KIF13B: variants seen among roughly 807,000 people sequenced by gnomAD.
The protein encoded by KIF13B is kinesin-like protein KIF13B.
A neutral mutation model predicts 222.0 loss-of-function variants in KIF13B; 127 were observed. That is an observed-to-expected ratio of 0.57 (90% CI 0.50 to 0.66). The LOEUF is 0.66. KIF13B is among the 30% of genes least tolerant of loss of function. The probability of loss-of-function intolerance (pLI) is 0.00; values close to 1 mark genes in which losing one functional copy is unlikely to be tolerated. For synonymous variants in KIF13B, 976 were observed against 919.0 expected (o/e 1.06, Z -1.12); for missense variants, 2,173 against 2,379.0 (o/e 0.91, Z 1.80).
chr8:29,068,494 C>T lies in KIF13B; in HGVS notation c.*2010G>A, dbSNP rs982356274. The T allele has an allele frequency of 3.9e-5, 6 of 152,216 alleles. No homozygotes were observed. The highest frequency in any genetic ancestry group is 1.4e-4 in the African/African-American group (6 of 41,408). 9.4% of individuals were successfully genotyped at this position (152,216 alleles called of 1,614,324 possible). On this transcript the variant is annotated 3_prime_UTR_variant, in exon 40 of 40. Transcript: ENST00000524189. This position sits in a 1 kb window ranked among gnomAD's most constrained non-coding sequence, Gnocchi z 4.4. Reference sequence around the variant, plus strand: ...CCTGCTCAAGTCAGGAACTCTGGCTCGTTCTACTCCACTGTAAGTCAAACC... The same window carrying T: ...CCTGCTCAAGTCAGGAACTCTGGCTTGTTCTACTCCACTGTAAGTCAAACC...
intron 2 of KIF13B, among the ~76,000 whole-genome samples, chr8:29,206,432 T>C (rs997148593): frequency 6.6e-6 from 1 of 152,240 alleles, no homozygotes; most frequent in Admixed American, 6.5e-5. Context: ...TCACTATAAT[T>C]ACTCCCAAAA....
At chr8:29,207,729 A>T (rs1356002988) in intron 2 of KIF13B, among the ~76,000 whole-genome samples, 1 of 152,252 alleles carries the variant, frequency 6.6e-6, no homozygotes, top group Non-Finnish European at 1.5e-5. Flanking sequence ...GAAAAACAGA[A>T]GCCATGCTTT....
chr8:29,184,534 T>A (rs1044298154), intron 6 of KIF13B, among the ~76,000 whole-genome samples: 7 of 152,114 alleles, frequency 4.6e-5, no homozygotes, highest in Non-Finnish European at 1.0e-4. Flanking sequence ...TTAAGAAACT[T>A]GTTCAATAGG....
At chr8:29,131,563 A>T (rs1000153316) in intron 23 of KIF13B, among the ~76,000 whole-genome samples, 10 of 152,218 alleles carry the variant, frequency 6.6e-5, no homozygotes, top group Non-Finnish European at 4.4e-5. Context: ...TGAAAAGCAC[A>T]AACATATGCA....
intron 15 of KIF13B, among the ~76,000 whole-genome samples, chr8:29,149,532 A>T (rs956479983): frequency 6.6e-5 from 10 of 152,242 alleles, no homozygotes; most frequent in Non-Finnish European, 1.2e-4. Context: ...GGTGAGACAC[A>T]GTCTTTCTCA....
Position 29,173,019 on chromosome 8 carries a change from A to G in KIF13B, c.945+3049T>C, listed in dbSNP as rs567841643. On this transcript the variant is annotated intron_variant, in intron 10 of 39. Transcript: ENST00000524189. ...AACCTCCGACTCCCAGGTTCAAGCC[A>G]TTCTCCTGCCTCAATCTCCCGAGTA... Among the ~76,000 whole-genome samples, 652 of 151,530 alleles carry G rather than the reference A, an allele frequency of 4.3e-3. 5 individuals carry two copies. The highest frequency in any genetic ancestry group is 5.6e-3 in the Non-Finnish European group (381 of 67,908).
At chr8:29,109,763 A>C (rs998522822) in intron 33 of KIF13B, among the ~76,000 whole-genome samples, 155 bp downstream of exon 33, 12 of 152,234 alleles carry the variant, frequency 7.9e-5, no homozygotes, top group African/African-American at 2.4e-4. Context: ...TGTAAGACAG[A>C]ATGACCCAAT....
At chr8:29,206,180 T>C (rs1813927060) in intron 2 of KIF13B, among the ~76,000 whole-genome samples, 1 of 152,042 alleles carries the variant, frequency 6.6e-6, no homozygotes. Flanking sequence ...ATCCCAGCAC[T>C]TTCGGAGGCC....
At chr8:29,155,385 TGAG>T (rs530849693) in intron 14 of KIF13B, among the ~76,000 whole-genome samples, 153 of 152,216 alleles carry the variant, frequency 1.0e-3, no homozygotes, top group African/African-American at 3.6e-3. Context: ...TGGCAGGTGC[TGAG>T]GAGGAGGAGA....
intron 37 of KIF13B, among the ~76,000 whole-genome samples, chr8:29,079,563 C>T (rs1807712214): frequency 1.3e-5 from 2 of 152,130 alleles, no homozygotes; most frequent in Non-Finnish European, 2.9e-5. Context: ...CTAAATTGTA[C>T]AGTTACATAG....
At chr8:29,122,740 C>G in intron 28 of KIF13B, 94 bp from the exon 29 acceptor site, 1 of 944,952 alleles carries the variant, frequency 1.1e-6, no homozygotes, top group South Asian at 1.4e-5. Flanking sequence ...AGGGCTGTTA[C>G]AGGGCAAAGC....
chr8:29,263,047 G>T lies in KIF13B; in HGVS notation c.-13C>A, dbSNP rs1333141906. ...TGGAGTCCCCCATCCTGCAGCCGCC[G>T]AGGAACTCGTTCGGCTTCCGTCTGC... is the stretch of plus-strand genomic sequence containing the variant. On this transcript the variant is annotated 5_prime_UTR_variant, in exon 1 of 40. Coordinates refer to ENST00000524189, the MANE Select transcript of KIF13B (RefSeq NM_015254.4). 17 of 1,588,766 alleles carry T rather than the reference G, an allele frequency of 1.1e-5. No homozygotes were observed. Among genetic ancestry groups the T allele is most frequent in the Non-Finnish European group, 1.5e-5 (17 of 1,169,432 alleles).
intron 4 of KIF13B, among the ~76,000 whole-genome samples, chr8:29,188,879 T>C (rs963793776): frequency 1.3e-5 from 2 of 152,248 alleles, no homozygotes; most frequent in Admixed American, 6.5e-5. Flanking sequence ...CTGCTCACTT[T>C]ATAATCAATG....
intron 2 of KIF13B, among the ~76,000 whole-genome samples, chr8:29,239,599 G>T (rs761845216): frequency 6.6e-6 from 1 of 152,158 alleles, no homozygotes; most frequent in Non-Finnish European, 1.5e-5. Context: ...TCACTGTCTG[G>T]ATGGCAGGAT....
chr8:29,257,336 TTTG>T (rs1816520462), intron 1 of KIF13B, among the ~76,000 whole-genome samples: 1 of 151,520 alleles, frequency 6.6e-6, no homozygotes, highest in East Asian at 1.9e-4. Flanking sequence ...TGGTCGAGTT[TTTG>T]TTTTTTTTTT....
At chr8:29,105,650 G>GTTTTTTTTTTTTTT (rs869030059) in intron 35 of KIF13B, among the ~76,000 whole-genome samples, 1 of 78,072 alleles carries the variant, frequency 1.3e-5, no homozygotes, top group Admixed American at 2.1e-4. Context: ...AGTTTGTTTG[G>GTTTTTTTTTTTTTT]TTTTTTTTTT....
At chr8:29,098,170 CAAAA>C (rs147089450) in intron 36 of KIF13B, among the ~76,000 whole-genome samples, 699 of 30,294 alleles carry the variant, frequency 0.023, 14 homozygotes, top group African/African-American at 0.031. Flanking sequence ...GACTCCATCT[CAAAA>C]AAAAAAAAAA....
At chr8:29,226,808 G>C (rs1017720010) in intron 2 of KIF13B, among the ~76,000 whole-genome samples, 2 of 152,144 alleles carry the variant, frequency 1.3e-5, no homozygotes, top group African/African-American at 4.8e-5. Context: ...TAATTTCTTA[G>C]CAAATAGCTT....
At chr8:29,187,466 G>A (rs1337914778) in intron 5 of KIF13B, among the ~76,000 whole-genome samples, 1 of 152,212 alleles carries the variant, frequency 6.6e-6, no homozygotes, top group Non-Finnish European at 1.5e-5. Context: ...GGGAGGCAGA[G>A]GCTGCAATGA....
Sources: gnomAD v4.1 joint callset for allele counts (sites outside exome capture counted in the v4.1 genomes callset) on GRCh38, gnomAD v4.1.1 for gene constraint, Gnocchi (gnomAD v3.1) non-coding constraint, MANE v1.5 for transcripts, NCBI Gene and HGNC (gene_info 2026-07-23, HGNC 2026-07-21) for gene names.